Variants in ME1 observed in about 807,000 individuals in gnomAD.
ME1 encodes the protein NADP-dependent malic enzyme.
In ME1, 74 loss-of-function variants were observed where a neutral mutation model predicts 66.4. The observed-to-expected ratio is 1.11, with a 90% CI of 0.92 to 1.35. The LOEUF (loss-of-function observed/expected upper bound fraction) is 1.35, where lower values mean the gene tolerates loss of function less well. Among genes scored for constraint, ME1 ranks in the 40% most tolerant of loss-of-function variants. ME1 has a pLI of 0.00. For synonymous variants in ME1, 251 were observed against 235.6 expected (o/e 1.07, Z -0.60); for missense variants, 750 against 694.1 (o/e 1.08, Z -0.90).
intron 3 of ME1, among the ~76,000 whole-genome samples, chr6:83,378,186 T>G (rs767134228): frequency 1.3e-5 from 2 of 149,734 alleles, no homozygotes; most frequent in African/African-American, 2.5e-5. Flanking sequence ...TTAAAAATAA[T>G]TAATACAATG....
At chr6:83,291,983 C>T (rs887635708) in intron 6 of ME1, among the ~76,000 whole-genome samples, 7 of 151,934 alleles carry the variant, frequency 4.6e-5, no homozygotes, top group Non-Finnish European at 1.0e-4. Context: ...GTCATTTAAG[C>T]TCTTCTCTAC....
At chr6:83,427,190 A>G (rs1770389655) in intron 1 of ME1, among the ~76,000 whole-genome samples, 1 of 152,222 alleles carries the variant, frequency 6.6e-6, no homozygotes. Flanking sequence ...TCTCATAAAC[A>G]TGAGGCAGAT....
intron 3 of ME1, among the ~76,000 whole-genome samples, chr6:83,396,749 C>T (rs188238824): frequency 4.2e-4 from 64 of 152,166 alleles, no homozygotes; most frequent in African/African-American, 1.2e-3. Context: ...GTAATCACAA[C>T]GGCATGGTAC....
intron 3 of ME1, among the ~76,000 whole-genome samples, chr6:83,361,943 T>C (rs1228487675): frequency 6.6e-6 from 1 of 152,182 alleles, no homozygotes; most frequent in Non-Finnish European, 1.5e-5. Context: ...CCCTGACTTC[T>C]CTTCCCCAGC....
At chr6:83,361,305 G>A (rs1356269939) in intron 3 of ME1, among the ~76,000 whole-genome samples, 1 of 152,204 alleles carries the variant, frequency 6.6e-6, no homozygotes, top group Non-Finnish European at 1.5e-5. Context: ...ATAAGTTGCT[G>A]CATTTGGCCC....
chr6:83,353,448 G>C (rs1768836223), intron 3 of ME1, among the ~76,000 whole-genome samples: 1 of 152,048 alleles, frequency 6.6e-6, no homozygotes, highest in African/African-American at 2.4e-5. Context: ...CCAAGGATAC[G>C]GTTGATATAG....
chr6:83,274,863 T>C (rs1274641186), intron 6 of ME1, among the ~76,000 whole-genome samples: 1 of 152,202 alleles, frequency 6.6e-6, no homozygotes. Context: ...CAGCAAAGTA[T>C]GTAATTGTGT....
intron 3 of ME1, 91 bp from the exon 4 acceptor site, chr6:83,352,230 CAATTT>C (rs1460011205): frequency 2.8e-6 from 2 of 722,838 alleles, no homozygotes; most frequent in Non-Finnish European, 2.1e-6. Flanking sequence ...TTTCAAACAA[CAATTT>C]AATTTATCTC....
intron 7 of ME1, among the ~76,000 whole-genome samples, chr6:83,250,214 A>G (rs1203733375): frequency 6.7e-6 from 1 of 149,660 alleles, no homozygotes; most frequent in East Asian, 1.9e-4. Flanking sequence ...CAATCCTGTT[A>G]TTTCAAAGAA....
At chr6:83,231,632 C>G (rs994390067) in intron 9 of ME1, among the ~76,000 whole-genome samples, 1 of 152,154 alleles carries the variant, frequency 6.6e-6, no homozygotes, top group African/African-American at 2.4e-5. Context: ...AGACTAATGG[C>G]TTATTTTTCT....
intron 1 of ME1, 96 bp downstream of exon 1, chr6:83,430,781 G>A (rs929164877): frequency 2.7e-6 from 3 of 1,102,462 alleles, no homozygotes; most frequent in East Asian, 2.8e-5. Context: ...CCAGGGGAGC[G>A]GCGGAGGGGC....
At chr6:83,337,949 T>G (rs1202099725) in intron 5 of ME1, among the ~76,000 whole-genome samples, 1 of 23,074 alleles carries the variant, frequency 4.3e-5, no homozygotes, top group Non-Finnish European at 7.2e-5. Context: ...TTCAACATAG[T>G]GTTGGAAGTT....
At chr6:83,274,378 A>G (rs1144188) in intron 6 of ME1, among the ~76,000 whole-genome samples, 44,894 of 151,990 alleles carry the variant, frequency 0.3, 7,413 homozygotes, top group Middle Eastern at 0.48. Context: ...GGGAACATTA[A>G]AAAAAATTGA....
intron 7 of ME1, among the ~76,000 whole-genome samples, chr6:83,252,152 G>A (rs1048233619): frequency 1.3e-5 from 2 of 152,174 alleles, no homozygotes; most frequent in African/African-American, 2.4e-5. Context: ...GCAATTCACT[G>A]AAAAGGAGAA....
intron 7 of ME1, among the ~76,000 whole-genome samples, chr6:83,251,738 A>C (rs956305454): frequency 2.0e-5 from 3 of 152,132 alleles, no homozygotes; most frequent in Admixed American, 1.3e-4. Flanking sequence ...GGACCTGAGA[A>C]AGGAAGTGTG....
At chr6:83,220,329 T>C (rs1052582349) in intron 12 of ME1, among the ~76,000 whole-genome samples, 6 of 152,142 alleles carry the variant, frequency 3.9e-5, no homozygotes, top group African/African-American at 1.4e-4. Context: ...GGTGTGAAGA[T>C]AGGAGGCTGA....
intron 7 of ME1, among the ~76,000 whole-genome samples, chr6:83,248,609 GT>G (rs1790665554): frequency 6.6e-6 from 1 of 152,044 alleles, no homozygotes; most frequent in African/African-American, 2.4e-5. Context: ...CATGGGGGCG[GT>G]TTTACCCATG....
chr6:83,318,090 G>A (rs1244363631), intron 5 of ME1, among the ~76,000 whole-genome samples: 1 of 151,772 alleles, frequency 6.6e-6, no homozygotes, highest in African/African-American at 2.4e-5. Context: ...GGGAAAACTG[G>A]CTAGCCATAT....
intron 4 of ME1, among the ~76,000 whole-genome samples, chr6:83,349,284 T>C (rs901672601): frequency 6.6e-6 from 1 of 152,184 alleles, no homozygotes; most frequent in African/African-American, 2.4e-5. Context: ...TTGTCACTTA[T>C]GTAGTTTATC....
Sources: allele counts gnomAD v4.1 joint callset (sites outside exome capture counted in the v4.1 genomes callset), GRCh38; gene constraint gnomAD v4.1.1; transcripts MANE v1.5; gene names NCBI Gene and HGNC (gene_info 2026-07-23, HGNC 2026-07-21).